Variants in ST8SIA6 observed in about 807,000 individuals in gnomAD.
ST8SIA6 encodes alpha-2,8-sialyltransferase 8F.
ST8SIA6 carries 39 observed loss-of-function variants against 33.6 expected under a neutral mutation model. The observed-to-expected ratio is 1.16, with a 90% CI of 0.90 to 1.52. ST8SIA6 has a LOEUF of 1.52. Ranked by LOEUF, ST8SIA6 falls within the 40% of genes most tolerant of loss-of-function variation. The pLI is 0.00. For synonymous variants in ST8SIA6, 172 were observed against 167.2 expected, an observed-to-expected ratio of 1.03 and a Z score of -0.22; for missense variants, 441 against 443.8, an observed-to-expected ratio of 0.99 and a Z score of 0.06.
intron 2 of ST8SIA6, among the ~76,000 whole-genome samples, chr10:17,393,727 G>T (rs1380731023): frequency 6.6e-6 from 1 of 152,134 alleles, no homozygotes; most frequent in African/African-American, 2.4e-5. Context: ...ATTGGATGTG[G>T]GAAGTGAGGG....
intron 3 of ST8SIA6, among the ~76,000 whole-genome samples, chr10:17,376,657 A>G (rs1849925391): frequency 6.6e-6 from 1 of 152,332 alleles, no homozygotes; most frequent in Non-Finnish European, 1.5e-5. Context: ...ACATTTTTCT[A>G]AAAATACAGG....
intron 3 of ST8SIA6, among the ~76,000 whole-genome samples, chr10:17,364,210 T>C (rs1376460694): frequency 6.6e-6 from 1 of 152,254 alleles, no homozygotes; most frequent in Admixed American, 6.5e-5. Context: ...TTGTAGAATA[T>C]GGATAGTCTT....
chr10:17,380,952 T>C (rs1214339547), intron 3 of ST8SIA6, among the ~76,000 whole-genome samples: 9 of 151,252 alleles, frequency 6.0e-5, no homozygotes, highest in African/African-American at 1.9e-4. Context: ...TGTGTACGTG[T>C]TTGTATTTGA....
chr10:17,325,536 T>C (rs1249382340), intron 6 of ST8SIA6, among the ~76,000 whole-genome samples: 1 of 151,554 alleles, frequency 6.6e-6, no homozygotes, highest in Non-Finnish European at 1.5e-5. Context: ...TATAGTCATA[T>C]ATAGCAGTAG....
At chr10:17,354,272 A>G (rs12243848) in intron 4 of ST8SIA6, among the ~76,000 whole-genome samples, 3,529 of 152,254 alleles carry the variant, frequency 0.023, 102 homozygotes, top group East Asian at 0.083. Context: ...CAAATAGCTG[A>G]GTGTCACGCT....
intron 4 of ST8SIA6, among the ~76,000 whole-genome samples, chr10:17,349,346 C>G (rs780211230): frequency 5.9e-5 from 9 of 152,154 alleles, no homozygotes; most frequent in Non-Finnish European, 1.2e-4. Context: ...CACAGACTTG[C>G]TGTATTTATT....
chr10:17,338,127 C>G (rs1451031328), intron 4 of ST8SIA6, among the ~76,000 whole-genome samples: 1 of 151,514 alleles, frequency 6.6e-6, no homozygotes, highest in Non-Finnish European at 1.5e-5. Flanking sequence ...CTCCACCTCC[C>G]GGGTTCAATT....
At chr10:17,431,497 T>A (rs1852099986) in intron 2 of ST8SIA6, among the ~76,000 whole-genome samples, 1 of 152,052 alleles carries the variant, frequency 6.6e-6, no homozygotes, top group South Asian at 2.1e-4. Context: ...TTATTTGGAT[T>A]TCTGAAAAAT....
chr10:17,348,793 C>A (rs774934437), intron 4 of ST8SIA6, among the ~76,000 whole-genome samples: 3 of 152,276 alleles, frequency 2.0e-5, no homozygotes, highest in South Asian at 4.1e-4. Flanking sequence ...CAAATCCTAA[C>A]TTTTCATCTA....
chr10:17,405,707 C>A (rs1455199375), intron 2 of ST8SIA6, among the ~76,000 whole-genome samples: 1 of 151,428 alleles, frequency 6.6e-6, no homozygotes, highest in Non-Finnish European at 1.5e-5. Flanking sequence ...CATGGCAAAA[C>A]CCTGTCTCTA....
At chr10:17,358,638 GAGA>G (rs1393135694) in intron 4 of ST8SIA6, among the ~76,000 whole-genome samples, 1 of 131,490 alleles carries the variant, frequency 7.6e-6, no homozygotes, top group African/African-American at 2.9e-5. Flanking sequence ...AGGAAGGAAG[GAGA>G]AGAAAAAGAA....
At chr10:17,419,943 C>T (rs1160278304) in intron 2 of ST8SIA6, among the ~76,000 whole-genome samples, 1 of 152,084 alleles carries the variant, frequency 6.6e-6, no homozygotes, top group Non-Finnish European at 1.5e-5. Context: ...CCTATTTTTT[C>T]TTTTGCATTT....
intron 3 of ST8SIA6, among the ~76,000 whole-genome samples, chr10:17,372,926 A>G (rs11254562): frequency 0.37 from 56,349 of 151,968 alleles, 10,679 homozygotes; most frequent in East Asian, 0.59. Flanking sequence ...GAGGATCTTT[A>G]AGGCTGTGAT....
intron 2 of ST8SIA6, among the ~76,000 whole-genome samples, chr10:17,433,268 A>G (rs1852155982): frequency 1.3e-5 from 2 of 152,198 alleles, no homozygotes; most frequent in South Asian, 4.1e-4. Context: ...CACGTGACAC[A>G]TCTATATCAA....
chr10:17,379,829 C>G (rs7086727), intron 3 of ST8SIA6, among the ~76,000 whole-genome samples: 39,171 of 152,000 alleles, frequency 0.26, 5,888 homozygotes, highest in East Asian at 0.66. Flanking sequence ...TCAACCGTGG[C>G]AAAATAAAAA....
At chr10:17,448,014 T>G (rs1272058601) in intron 2 of ST8SIA6, among the ~76,000 whole-genome samples, 1 of 152,116 alleles carries the variant, frequency 6.6e-6, no homozygotes, top group Non-Finnish European at 1.5e-5. Flanking sequence ...TTGGCTGGGC[T>G]GGTCTCAAAC....
chr10:17,442,627 T>C (rs556488130), intron 2 of ST8SIA6, among the ~76,000 whole-genome samples: 154 of 152,346 alleles, frequency 1.0e-3, no homozygotes, highest in African/African-American at 3.0e-3. Flanking sequence ...AATTATTTAT[T>C]TGAAAAAATT....
At chr10:17,419,261 G>C (rs959844896) in intron 2 of ST8SIA6, among the ~76,000 whole-genome samples, 11 of 151,518 alleles carry the variant, frequency 7.3e-5, no homozygotes, top group African/African-American at 2.7e-4. Flanking sequence ...GCTGGGGGCA[G>C]TGGCTCACAC....
chr10:17,378,086 G>A (rs1849979018), intron 3 of ST8SIA6, among the ~76,000 whole-genome samples: 1 of 152,136 alleles, frequency 6.6e-6, no homozygotes, highest in East Asian at 1.9e-4. Context: ...TTAATGGAAA[G>A]GCATCCCCTT....
Sources: allele counts gnomAD v4.1 joint callset (sites outside exome capture counted in the v4.1 genomes callset), GRCh38; gene constraint gnomAD v4.1.1; transcripts MANE v1.5; gene names NCBI Gene and HGNC (gene_info 2026-07-23, HGNC 2026-07-21).